The following FBXL13 variants were observed in gnomAD, a reference collection of about 807,000 sequenced individuals.
FBXL13 encodes F-box and leucine-rich repeat protein 13.
In FBXL13, 67 loss-of-function variants were observed where a neutral mutation model predicts 83.6. That is an observed-to-expected ratio of 0.80 (90% CI 0.66 to 0.98). FBXL13 has a LOEUF of 0.98. Among genes scored for constraint, FBXL13 ranks in the 50% least tolerant of loss-of-function variants. FBXL13 has a pLI of 0.00. For missense variants in FBXL13, 822 were observed against 866.5 expected (o/e 0.95, Z 0.64); for synonymous variants, 272 against 299.5 (o/e 0.91, Z 0.95).
intron 16 of FBXL13, among the ~76,000 whole-genome samples, chr7:102,865,421 T>TGTG (rs1207669847): frequency 3.3e-5 from 5 of 152,090 alleles, no homozygotes; most frequent in African/African-American, 1.2e-4. Flanking sequence ...AAAATTTCTC[T>TGTG]TCATCTCCCA....
intron 8 of FBXL13, among the ~76,000 whole-genome samples, chr7:102,962,380 C>T (rs28849538): frequency 0.041 from 6,172 of 151,990 alleles, 347 homozygotes; most frequent in East Asian, 0.16. Context: ...TTTACACTGT[C>T]GGTGGGACTG....
intron 18 of FBXL13, among the ~76,000 whole-genome samples, chr7:102,823,336 C>T (rs1318728359): frequency 6.6e-6 from 1 of 152,054 alleles, no homozygotes; most frequent in Non-Finnish European, 1.5e-5. Context: ...TGCAGACAGC[C>T]TCATATTACT....
intron 2 of FBXL13, among the ~76,000 whole-genome samples, chr7:103,032,634 CCTT>C (rs1794623633): frequency 6.6e-6 from 1 of 152,158 alleles, no homozygotes; most frequent in Admixed American, 6.5e-5. Flanking sequence ...TTTTCCTTCT[CCTT>C]TTCTATATTT....
At chr7:102,919,565 T>C (rs1318749789) in intron 10 of FBXL13, among the ~76,000 whole-genome samples, 2 of 152,210 alleles carry the variant, frequency 1.3e-5, no homozygotes, top group Non-Finnish European at 2.9e-5. Flanking sequence ...AGGAAAGTCT[T>C]GCAAGCATCT....
chr7:102,901,367 CTG>C (rs748620668), intron 11 of FBXL13, among the ~76,000 whole-genome samples: 10 of 152,154 alleles, frequency 6.6e-5, no homozygotes, highest in Non-Finnish European at 1.5e-4. Flanking sequence ...ACTATGGAGA[CTG>C]TGGTATCCAT....
At chr7:102,886,827 A>G (rs1179584839) in intron 11 of FBXL13, among the ~76,000 whole-genome samples, 1 of 152,222 alleles carries the variant, frequency 6.6e-6, no homozygotes, top group Non-Finnish European at 1.5e-5. Context: ...TAAAAAGAAA[A>G]GAGAAAAAAT....
At chr7:102,850,253 A>G (rs1260528844) in intron 17 of FBXL13, among the ~76,000 whole-genome samples, 2 of 152,142 alleles carry the variant, frequency 1.3e-5, no homozygotes, top group Non-Finnish European at 2.9e-5. Context: ...TCTGGACCCC[A>G]CAGAATCAAA....
chr7:102,992,348 T>A (rs952749204), intron 6 of FBXL13, among the ~76,000 whole-genome samples: 8 of 152,164 alleles, frequency 5.3e-5, no homozygotes, highest in African/African-American at 1.9e-4. Flanking sequence ...ATCTCCTTTT[T>A]ACAAATGAGA....
At chr7:102,813,433 A>G (rs1196026957) in exon 20 of FBXL13, 2 of 1,614,060 alleles carry the variant, frequency 1.2e-6, no homozygotes, top group African/African-American at 2.7e-5. Flanking sequence ...AAGCTCTGTA[A>G]CAGGGTTTCC....
chr7:102,888,411 C>G (rs184164724), intron 11 of FBXL13, among the ~76,000 whole-genome samples: 31 of 152,326 alleles, frequency 2.0e-4, no homozygotes, highest in African/African-American at 7.0e-4. Flanking sequence ...TGGTGGCACA[C>G]GCCTATAGTC....
intron 8 of FBXL13, among the ~76,000 whole-genome samples, chr7:102,948,714 G>A (rs895217770): frequency 4.7e-5 from 7 of 149,080 alleles, no homozygotes; most frequent in Non-Finnish European, 8.9e-5. Context: ...GAGCCACCAC[G>A]CCCAGCCTTT....
At chr7:102,994,087 C>T (rs1563196466) in intron 6 of FBXL13, among the ~76,000 whole-genome samples, 1 of 152,096 alleles carries the variant, frequency 6.6e-6, no homozygotes, top group Non-Finnish European at 1.5e-5. Flanking sequence ...ATTAACTTTG[C>T]AAATCTATTA....
chr7:102,846,167 G>A (rs1464607453), intron 17 of FBXL13, among the ~76,000 whole-genome samples: 1 of 151,852 alleles, frequency 6.6e-6, no homozygotes, highest in African/African-American at 2.4e-5. Flanking sequence ...TTATATATCT[G>A]CCTAACCCAC....
chr7:102,925,846 C>T (rs985688225), intron 10 of FBXL13, among the ~76,000 whole-genome samples: 1 of 150,622 alleles, frequency 6.6e-6, no homozygotes, highest in East Asian at 2.0e-4. Flanking sequence ...GAGGCTGACG[C>T]ATGAGAATCG....
At chr7:102,931,424 A>G (rs1819151853) in intron 9 of FBXL13, among the ~76,000 whole-genome samples, 1 of 152,178 alleles carries the variant, frequency 6.6e-6, no homozygotes, top group South Asian at 2.1e-4. Context: ...CCTTTTACAA[A>G]GAGTATAAAG....
At chr7:102,877,412 A>G in intron 16 of FBXL13, 55 bp downstream of exon 17, 1 of 1,355,562 alleles carries the variant, frequency 7.4e-7, no homozygotes, top group East Asian at 2.6e-5. Context: ...AAAATAGCAA[A>G]TAATTGTATT....
intron 16 of FBXL13, among the ~76,000 whole-genome samples, chr7:102,859,424 T>C (rs1349480682): frequency 6.6e-6 from 1 of 152,124 alleles, no homozygotes; most frequent in Non-Finnish European, 1.5e-5. Flanking sequence ...AGAAACTTTT[T>C]AGATTAGTGA....
At chr7:102,831,916 C>T (rs1178335517) in intron 18 of FBXL13, among the ~76,000 whole-genome samples, 1 of 152,074 alleles carries the variant, frequency 6.6e-6, no homozygotes, top group Non-Finnish European at 1.5e-5. Context: ...TAATCCAGAA[C>T]CTGAGATCTC....
chr7:103,047,191 C>A (rs1281231993), intron 2 of FBXL13, among the ~76,000 whole-genome samples: 2 of 152,144 alleles, frequency 1.3e-5, no homozygotes, highest in African/African-American at 4.8e-5. Flanking sequence ...AATATGGAAC[C>A]AAACATTGGT....
Sources: allele counts gnomAD v4.1 joint callset (sites outside exome capture counted in the v4.1 genomes callset), GRCh38; gene constraint gnomAD v4.1.1; transcripts MANE v1.5; gene names NCBI Gene and HGNC (gene_info 2026-07-23, HGNC 2026-07-21).